The following AGBL4 variants were observed in gnomAD, a reference collection of about 807,000 sequenced individuals.
AGBL4 encodes cytosolic carboxypeptidase 6.
In AGBL4, 58 loss-of-function variants were observed where a neutral mutation model predicts 66.4. That is an observed-to-expected ratio of 0.87 (90% CI 0.71 to 1.09). AGBL4 has a LOEUF of 1.09. Ranked by LOEUF, AGBL4 falls within the 50% of genes least tolerant of loss-of-function variation. AGBL4 has a pLI of 0.00. For synonymous variants in AGBL4, 234 were observed against 222.9 expected, an observed-to-expected ratio of 1.05 and a Z score of -0.44; for missense variants, 579 against 631.0, an observed-to-expected ratio of 0.92 and a Z score of 0.88.
At chr1:49,561,770 G>T (rs1571041227) in intron 3 of AGBL4, among the ~76,000 whole-genome samples, 1 of 151,954 alleles carries the variant, frequency 6.6e-6, no homozygotes, top group Non-Finnish European at 1.5e-5. Flanking sequence ...ATAAACATAC[G>T]TGTGCATGTG....
intron 3 of AGBL4, among the ~76,000 whole-genome samples, chr1:49,634,969 C>A (rs1384339872): frequency 6.6e-6 from 1 of 152,194 alleles, no homozygotes; most frequent in Non-Finnish European, 1.5e-5. Flanking sequence ...AAAGAGGCAA[C>A]TTTCTCAGGT....
chr1:49,419,642 G>A (rs1645500788), intron 3 of AGBL4, among the ~76,000 whole-genome samples: 1 of 152,206 alleles, frequency 6.6e-6, no homozygotes, highest in East Asian at 1.9e-4. Context: ...CAGCAGCGTA[G>A]TATGTATTCT....
chr1:49,382,773 T>G (rs1306514279), intron 3 of AGBL4, among the ~76,000 whole-genome samples: 1 of 152,148 alleles, frequency 6.6e-6, no homozygotes, highest in Non-Finnish European at 1.5e-5. Context: ...CTTAAGAGTT[T>G]CCAATTAAAA....
intron 4 of AGBL4, among the ~76,000 whole-genome samples, chr1:49,221,820 T>C (rs1649517583): frequency 6.6e-6 from 1 of 152,176 alleles, no homozygotes; most frequent in Non-Finnish European, 1.5e-5. Flanking sequence ...CATAAAAACA[T>C]ATACACTTTT....
At position 49,552,460 on chromosome 1, in the gene AGBL4, C is replaced by A. The variant is rs898243087; in HGVS notation, c.282+144853G>T. Reference sequence around the variant, plus strand: ...AGGAATGGCCTGCTTGGGGACCCAGCGAGCTCCCAGGGCCTTTCTGCTCCT... The same window carrying A: ...AGGAATGGCCTGCTTGGGGACCCAGAGAGCTCCCAGGGCCTTTCTGCTCCT... On this transcript the variant is annotated intron_variant, in intron 3 of 13. Coordinates refer to ENST00000371839, the MANE Select transcript of AGBL4 (RefSeq NM_032785.4). Among the ~76,000 whole-genome samples, 7 of 152,198 alleles carry A rather than the reference C, an allele frequency of 4.6e-5. No individual in the cohort carries two copies. The East Asian group carries it at 1.2e-3, about 25-fold the overall frequency.
chr1:49,749,824 A>G (rs1256126594), intron 2 of AGBL4, among the ~76,000 whole-genome samples: 1 of 152,188 alleles, frequency 6.6e-6, no homozygotes, highest in African/African-American at 2.4e-5. Flanking sequence ...CAAATTCTGG[A>G]AGCCTTTTCG....
At chr1:49,961,370 T>C (rs575553037) in intron 1 of AGBL4, among the ~76,000 whole-genome samples, 7 of 152,026 alleles carry the variant, frequency 4.6e-5, no homozygotes, top group East Asian at 3.9e-4. Context: ...CTGAGTTTAG[T>C]GGTGCACACC....
At chr1:49,962,960 T>A (rs1281801443) in intron 1 of AGBL4, among the ~76,000 whole-genome samples, 2 of 152,120 alleles carry the variant, frequency 1.3e-5, no homozygotes, top group African/African-American at 2.4e-5. Flanking sequence ...ATTGTCCAGT[T>A]GATAATTTGC....
At chr1:49,121,285 G>A (rs1183715125) in intron 4 of AGBL4, among the ~76,000 whole-genome samples, 2 of 152,180 alleles carry the variant, frequency 1.3e-5, no homozygotes, top group Non-Finnish European at 2.9e-5. Flanking sequence ...AGGAGAAGAG[G>A]CACTCTGGTT....
At chr1:48,970,680 G>A (rs1364664200) in intron 5 of AGBL4, among the ~76,000 whole-genome samples, 1 of 152,092 alleles carries the variant, frequency 6.6e-6, no homozygotes, top group Non-Finnish European at 1.5e-5. Context: ...AAAGTATTTT[G>A]ACAGTCCTCA....
intron 1 of AGBL4, among the ~76,000 whole-genome samples, chr1:49,906,440 A>AT (rs1461149470): frequency 6.6e-6 from 1 of 152,078 alleles, no homozygotes; most frequent in Non-Finnish European, 1.5e-5. Flanking sequence ...TTTCGTGGTT[A>AT]TAAGTTTTTC....
chr1:49,518,731 T>C (rs574019250), intron 3 of AGBL4, among the ~76,000 whole-genome samples: 26 of 152,240 alleles, frequency 1.7e-4, no homozygotes, highest in Non-Finnish European at 3.7e-4. Context: ...ATGAGGAATT[T>C]TGTCATTCTC....
rs201166931 is a variant in AGBL4, at chr1:49,568,256, C to T, written c.282+129057G>A. On this transcript the variant is annotated intron_variant, in intron 3 of 13. Coordinates refer to ENST00000371839, the MANE Select transcript of AGBL4 (RefSeq NM_032785.4). ...TCTAGAAAACTGCATAGTCTTGGACCAAAAGCTCCTTAAGCTGATAATTTC... is the reference window on the plus strand; with the variant it reads ...TCTAGAAAACTGCATAGTCTTGGACTAAAAGCTCCTTAAGCTGATAATTTC... 9.2e-5 allele frequency among the ~76,000 whole-genome samples: 14 copies of T among 152,130 alleles called. No homozygotes were observed. The East Asian group carries it at 2.7e-3, about 29-fold the overall frequency.
chr1:49,254,563 C>A (rs1652324689), intron 3 of AGBL4, among the ~76,000 whole-genome samples: 1 of 152,086 alleles, frequency 6.6e-6, no homozygotes, highest in African/African-American at 2.4e-5. Flanking sequence ...TAGGAAGAAT[C>A]AATATTGTTA....
chr1:48,871,307 A>C (rs1016309396), intron 5 of AGBL4, among the ~76,000 whole-genome samples: 2 of 151,640 alleles, frequency 1.3e-5, no homozygotes, highest in Admixed American at 6.6e-5. Flanking sequence ...TTCTGACCAA[A>C]AGCTACAGTC....
intron 6 of AGBL4, among the ~76,000 whole-genome samples, chr1:48,782,769 T>A (rs963597513): frequency 1.3e-5 from 2 of 151,522 alleles, no homozygotes; most frequent in African/African-American, 2.4e-5. Context: ...CATTGACACA[T>A]CATCATCACC....
intron 5 of AGBL4, among the ~76,000 whole-genome samples, chr1:48,876,194 A>C (rs1359834060): frequency 6.6e-6 from 1 of 152,182 alleles, no homozygotes; most frequent in African/African-American, 2.4e-5. Flanking sequence ...ACAGTGTTTA[A>C]GTCTCCTGGC....
At chr1:49,190,066 C>T (rs79326270) in intron 4 of AGBL4, among the ~76,000 whole-genome samples, 1,661 of 152,254 alleles carry the variant, frequency 0.011, 27 homozygotes, top group African/African-American at 0.038. Context: ...AGGTTGCTAG[C>T]CTGTTCTATG....
intron 3 of AGBL4, among the ~76,000 whole-genome samples, chr1:49,272,468 CT>C (rs1374250300): frequency 6.6e-6 from 1 of 152,012 alleles, no homozygotes; most frequent in Non-Finnish European, 1.5e-5. Flanking sequence ...TGGTAAATTC[CT>C]ATGATTTTAT....
Sources: allele counts gnomAD v4.1 joint callset (sites outside exome capture counted in the v4.1 genomes callset), GRCh38; gene constraint gnomAD v4.1.1; transcripts MANE v1.5; gene names NCBI Gene and HGNC (gene_info 2026-07-23, HGNC 2026-07-21).